The following RFT1 variants were observed in gnomAD, a reference collection of about 807,000 sequenced individuals.
RFT1 encodes man(5)GlcNAc(2)-PP-dolichol translocation protein RFT1.
RFT1 carries 43 observed loss-of-function variants against 62.2 expected under a neutral mutation model. The observed-to-expected ratio is 0.69, with a 90% CI of 0.54 to 0.89. The LOEUF is 0.89. RFT1 is among the 40% of genes least tolerant of loss of function. The pLI is 0.00. For missense variants in RFT1, 605 were observed against 649.9 expected, an observed-to-expected ratio of 0.93 and a Z score of 0.75; for synonymous variants, 262 against 264.6, an observed-to-expected ratio of 0.99 and a Z score of 0.10.
the RFT1 span, among the ~76,000 whole-genome samples, chr3:53,072,553 G>A: frequency 8.1e-4 from 123 of 152,306 alleles, no homozygotes; most frequent in South Asian, 4.8e-3. Flanking sequence ...CTCTACCACT[G>A]ATGTTGTAAG....
chr3:53,094,872 A>T (rs1481362866), intron 11 of RFT1, among the ~76,000 whole-genome samples: 1 of 152,080 alleles, frequency 6.6e-6, no homozygotes, highest in Non-Finnish European at 1.5e-5. Flanking sequence ...CCACTAGAAG[A>T]GGGCCCTGCA....
chr3:53,103,646 G>A, intron 10 of RFT1: 1 of 397,382 alleles, frequency 2.5e-6, no homozygotes, highest in Non-Finnish European at 4.8e-6. Flanking sequence ...ACCCCAGAGG[G>A]AGCACAGGGA....
rs1553655472 is a variant in RFT1, at chr3:53,111,917, G to GAA, written c.697-11_697-10dup. On this transcript the variant is annotated splice_polypyrimidine_tract_variant and intron_variant, in intron 6 of 12. Coordinates refer to ENST00000296292, the MANE Select transcript of RFT1 (RefSeq NM_052859.4). ...TTCCAGTTTATAAACGCCTAGAAGA[G>GAA]AAAACAAAACAAAACAAAAACATCA... is the stretch of plus-strand genomic sequence containing the variant. 2 of 1,609,406 alleles carry GAA rather than the reference G, an allele frequency of 1.2e-6. No individual in the cohort carries two copies. The highest frequency in any genetic ancestry group is 2.2e-5 in the South Asian group (2 of 90,994).
chr3:53,102,776 G>A (rs977897098), intron 10 of RFT1, among the ~76,000 whole-genome samples: 98 of 152,278 alleles, frequency 6.4e-4, no homozygotes, highest in African/African-American at 2.3e-3. Context: ...TACACAACTG[G>A]GGACAGCAGT....
At chr3:53,075,298 G>A in the RFT1 span, among the ~76,000 whole-genome samples, 23 of 152,170 alleles carry the variant, frequency 1.5e-4, no homozygotes, top group African/African-American at 5.6e-4. Context: ...GAAAGCATGC[G>A]GCCATTTGGA....
At chr3:53,068,277 C>A in the RFT1 span, among the ~76,000 whole-genome samples, 3 of 151,960 alleles carry the variant, frequency 2.0e-5, no homozygotes, top group Non-Finnish European at 1.5e-5. Context: ...GACTGCCCCC[C>A]ATCCATGCTA....
At chr3:53,120,350 C>T (rs553212095) in intron 5 of RFT1, among the ~76,000 whole-genome samples, 6 of 152,320 alleles carry the variant, frequency 3.9e-5, no homozygotes, top group East Asian at 3.9e-4. Flanking sequence ...GCCAAAGGAA[C>T]GGCTCTTCCA....
At position 53,103,942 on chromosome 3, in the gene RFT1, C is replaced by A; in HGVS notation, c.1102+11G>T. ...AAATCAGAAAAAATCCAGAAAAACT[C>A]TTGTGCGTACCGGATCCTGAGCTAA... On this transcript the variant is annotated intron_variant, in intron 10 of 12. Transcript: ENST00000296292. 6.2e-7 allele frequency: 1 copy of A among 1,614,190 alleles called. No individual in the cohort carries two copies. The highest frequency in any genetic ancestry group is 8.5e-7 in the Non-Finnish European group (1 of 1,180,008).
downstream of RFT1, among the ~76,000 whole-genome samples, chr3:53,087,565 C>T (rs1376165149): frequency 6.6e-6 from 1 of 151,730 alleles, no homozygotes; most frequent in Admixed American, 6.6e-5. Flanking sequence ...GGGTCTTGCT[C>T]TGTCATCCAG....
the RFT1 span, among the ~76,000 whole-genome samples, chr3:53,081,144 A>C: frequency 0.49 from 73,809 of 152,134 alleles, 19,807 homozygotes; most frequent in East Asian, 0.73. Context: ...TGAGGACATC[A>C]TAAGAACCAG....
In RFT1 at chr3:53,127,267, C is replaced by G. The variant is rs139885863; in HGVS notation, c.64-1273G>C. On this transcript the variant is annotated intron_variant, in intron 1 of 12. Transcript: ENST00000296292. ...TGCCGTCTCTACTAAAAATACAATT[C>G]ACCATTTAGCTCTTCTATCTGTTAT... is the stretch of plus-strand genomic sequence containing the variant. Among the ~76,000 whole-genome samples, 343 of 152,042 alleles carry G rather than the reference C, an allele frequency of 2.3e-3. 3 individuals are homozygous for G. The highest frequency in any genetic ancestry group is 0.018 in the Admixed American group (278 of 15,268).
At chr3:53,082,522 A>G in the RFT1 span, among the ~76,000 whole-genome samples, 60 of 152,218 alleles carry the variant, frequency 3.9e-4, no homozygotes, top group African/African-American at 1.4e-3. Flanking sequence ...TAATAATAAT[A>G]GAGGGGGGAA....
chr3:53,072,184 C>T, the RFT1 span, among the ~76,000 whole-genome samples: 1 of 152,156 alleles, frequency 6.6e-6, no homozygotes, highest in Non-Finnish European at 1.5e-5. Flanking sequence ...CCCACACACT[C>T]ACACTCATGT....
intron 7 of RFT1, among the ~76,000 whole-genome samples, chr3:53,109,964 A>G (rs2107130049): frequency 6.6e-6 from 1 of 152,302 alleles, no homozygotes; most frequent in African/African-American, 2.4e-5. Context: ...AGAAGTTCCT[A>G]ATGGCACTCT....
chr3:53,130,207 C>T, intron 1 of RFT1, 131 bp downstream of exon 1: 3 of 928,422 alleles, frequency 3.2e-6, no homozygotes, highest in African/African-American at 1.6e-5. Context: ...CGGTCGACCC[C>T]CCCACCCCCT....
chr3:53,130,226 G>C, intron 1 of RFT1, 112 bp downstream of exon 1: 2 of 1,069,560 alleles, frequency 1.9e-6, no homozygotes, highest in South Asian at 2.7e-5. Context: ...CTCCATTGCG[G>C]GGTCCACCTC....
chr3:53,094,122 G>A (rs572644596), intron 11 of RFT1, among the ~76,000 whole-genome samples: 2 of 152,142 alleles, frequency 1.3e-5, no homozygotes, highest in South Asian at 4.2e-4. Flanking sequence ...CTAGAACTAT[G>A]CTTGTAATCC....
chr3:53,081,513 A>C, the RFT1 span, among the ~76,000 whole-genome samples: 1 of 152,182 alleles, frequency 6.6e-6, no homozygotes, highest in East Asian at 1.9e-4. Context: ...TTGGAGCTGA[A>C]TTTGCCTCCC....
rs369371727 is a variant in RFT1 at position 53,107,291 on chromosome 3, G to A, written c.776-422C>T. On this transcript the variant is annotated intron_variant, in intron 7 of 12. Coordinates refer to ENST00000296292, the MANE Select transcript of RFT1 (RefSeq NM_052859.4). The stretch of plus-strand genomic sequence containing the variant: ...GCTGGGACTACAGGCGCCCGCCACC[G>A]CACCCGGCTAATTTTTTTTGTATTT... 0.011 allele frequency among the ~76,000 whole-genome samples: 1,664 copies of A among 151,832 alleles called. 68 individuals are homozygous for A. In the South Asian group the frequency reaches 0.11, roughly 10 times the overall value.
Sources: allele counts gnomAD v4.1 joint callset (sites outside exome capture counted in the v4.1 genomes callset), GRCh38; gene constraint gnomAD v4.1.1; transcripts MANE v1.5; gene names NCBI Gene and HGNC (gene_info 2026-07-23, HGNC 2026-07-21).